Variants in MSRA observed in about 807,000 individuals in gnomAD.
The protein encoded by MSRA is methionine sulfoxide reductase A.
In MSRA, 54 loss-of-function variants were observed where a neutral mutation model predicts 31.3. The observed-to-expected ratio is 1.73, with a 90% CI of 1.39 to 2.17. The LOEUF is 2.17. Ranked by LOEUF, MSRA falls within the 30% of genes most tolerant of loss-of-function variation. The pLI is 0.00. For synonymous variants in MSRA, 169 were observed against 116.5 expected (o/e 1.45, Z -2.90); for missense variants, 507 against 300.9 (o/e 1.69, Z -5.07).
chr8:10,348,010 C>G lies in MSRA; in HGVS notation c.543+28021C>G, dbSNP rs527265898. ...TGGTCTTTGCCATTTATAGAGTAGG[C>G]ACATGGTAAATATCTGTTGAGTAAA... On this transcript the variant is annotated intron_variant, in intron 5 of 5. Coordinates refer to ENST00000317173, the MANE Select transcript of MSRA (RefSeq NM_012331.5). 1.4e-4 allele frequency among the ~76,000 whole-genome samples: 21 copies of G among 152,316 alleles called. 1 individual carries two copies. The South Asian group carries it at 4.3e-3, about 32-fold the overall frequency.
At chr8:10,358,428 T>C (rs1318882230) in intron 5 of MSRA, among the ~76,000 whole-genome samples, 1 of 152,166 alleles carries the variant, frequency 6.6e-6, no homozygotes, top group Non-Finnish European at 1.5e-5. Context: ...ATTTGCATTA[T>C]CAGATCATAT....
At chr8:10,411,947 C>A (rs1585719764) in intron 5 of MSRA, among the ~76,000 whole-genome samples, 1 of 152,194 alleles carries the variant, frequency 6.6e-6, no homozygotes, top group South Asian at 2.1e-4. Flanking sequence ...GGGTGTGTGT[C>A]GTCCACAGAG....
rs1474908083 is a variant in MSRA at position 10,202,580 on chromosome 8, C to T, written c.143-5253C>T. On this transcript the variant is annotated intron_variant, in intron 1 of 5. Transcript: ENST00000317173. Reference sequence around the variant, plus strand: ...ATGGGTACTGTGTTGAGAAAAGATTCTGTGGGCACATTCAGGGATCAAGAA... The same window carrying T: ...ATGGGTACTGTGTTGAGAAAAGATTTTGTGGGCACATTCAGGGATCAAGAA... Among the ~76,000 whole-genome samples the T allele has an allele frequency of 2.6e-5, 4 of 152,156 alleles. No individual in the cohort carries two copies. The South Asian group carries it at 6.2e-4, about 24-fold the overall frequency.
At chr8:10,269,941 G>C (rs944931092) in intron 3 of MSRA, among the ~76,000 whole-genome samples, 1 of 151,960 alleles carries the variant, frequency 6.6e-6, no homozygotes, top group Admixed American at 6.5e-5. Context: ...GTGAGCCATC[G>C]TGCCTGGCCT....
intron 1 of MSRA, among the ~76,000 whole-genome samples, chr8:10,070,827 C>T (rs748304097): frequency 2.4e-4 from 37 of 152,144 alleles, no homozygotes; most frequent in Non-Finnish European, 4.3e-4. Context: ...GTTAATGTAC[C>T]AGTGCTTTGT....
At chr8:10,241,856 A>T (rs1412204631) in intron 2 of MSRA, among the ~76,000 whole-genome samples, 1 of 152,236 alleles carries the variant, frequency 6.6e-6, no homozygotes, top group African/African-American at 2.4e-5. Flanking sequence ...TGTGAATTGA[A>T]TTGCACCATG....
intron 2 of MSRA, among the ~76,000 whole-genome samples, chr8:10,242,789 A>G (rs1278768789): frequency 1.3e-5 from 2 of 152,178 alleles, no homozygotes; most frequent in Non-Finnish European, 1.5e-5. Flanking sequence ...TTAAACCTGC[A>G]GCCGCTAGTT....
intron 5 of MSRA, among the ~76,000 whole-genome samples, chr8:10,329,324 C>T (rs1802556704): frequency 6.6e-6 from 1 of 152,216 alleles, no homozygotes; most frequent in Non-Finnish European, 1.5e-5. Context: ...GAATCCCTCC[C>T]CGGATCTTCC....
intron 5 of MSRA, among the ~76,000 whole-genome samples, chr8:10,349,475 C>T (rs1174142242): frequency 6.6e-6 from 1 of 152,154 alleles, no homozygotes; most frequent in Non-Finnish European, 1.5e-5. Flanking sequence ...GAGGCCACCC[C>T]ACTTCCCTTT....
At chr8:10,185,787 C>G (rs932286018) in intron 1 of MSRA, among the ~76,000 whole-genome samples, 6 of 152,250 alleles carry the variant, frequency 3.9e-5, no homozygotes, top group African/African-American at 1.4e-4. Context: ...CTACGGAAAC[C>G]CACTCATCTT....
At chr8:10,131,798 GC>G (rs1191097269) in intron 1 of MSRA, among the ~76,000 whole-genome samples, 1 of 152,162 alleles carries the variant, frequency 6.6e-6, no homozygotes, top group Admixed American at 6.5e-5. Context: ...ATGCTGGGAT[GC>G]CAGAAACACA....
intron 5 of MSRA, among the ~76,000 whole-genome samples, chr8:10,389,168 C>G (rs1403197817): frequency 6.6e-6 from 1 of 152,160 alleles, no homozygotes; most frequent in East Asian, 1.9e-4. Flanking sequence ...CACAGGCAAT[C>G]CAGTCAGTGT....
At chr8:10,251,867 G>GA (rs1554505682) in intron 3 of MSRA, among the ~76,000 whole-genome samples, 2 of 151,728 alleles carry the variant, frequency 1.3e-5, no homozygotes, top group Non-Finnish European at 2.9e-5. Flanking sequence ...ATGGTGGGGG[G>GA]GGGGGGACAT....
chr8:10,361,912 C>T (rs1456863770), intron 5 of MSRA, among the ~76,000 whole-genome samples: 5 of 152,048 alleles, frequency 3.3e-5, no homozygotes, highest in Admixed American at 2.6e-4. Flanking sequence ...TCTTCCTTAC[C>T]GTTGTCTTCC....
At chr8:10,265,767 C>G (rs1010417561) in intron 3 of MSRA, among the ~76,000 whole-genome samples, 1 of 152,234 alleles carries the variant, frequency 6.6e-6, no homozygotes, top group Non-Finnish European at 1.5e-5. Context: ...CCCTGCCTTC[C>G]TCACCCCGCA....
intron 5 of MSRA, among the ~76,000 whole-genome samples, chr8:10,364,338 A>G (rs1259240948): frequency 6.6e-6 from 1 of 152,186 alleles, no homozygotes; most frequent in Non-Finnish European, 1.5e-5. Flanking sequence ...TGGGGCGTCA[A>G]AGGTGTCACA....
At chr8:10,066,943 C>A (rs1270787463) in intron 1 of MSRA, among the ~76,000 whole-genome samples, 1 of 151,380 alleles carries the variant, frequency 6.6e-6, no homozygotes, top group Non-Finnish European at 1.5e-5. Context: ...AGTTCCCATA[C>A]ACACTCCTCC....
At chr8:10,427,659 T>C (rs1809266202) in intron 5 of MSRA, among the ~76,000 whole-genome samples, 1 of 152,156 alleles carries the variant, frequency 6.6e-6, no homozygotes, top group African/African-American at 2.4e-5. Flanking sequence ...GCAGATGCGA[T>C]AGTGCCAGGT....
chr8:10,355,309 G>C (rs766065270), intron 5 of MSRA, among the ~76,000 whole-genome samples: 4 of 152,214 alleles, frequency 2.6e-5, no homozygotes, highest in Non-Finnish European at 4.4e-5. Context: ...ATAGGAGAAA[G>C]TCATTGTCAG....
Sources: allele counts gnomAD v4.1 joint callset (sites outside exome capture counted in the v4.1 genomes callset), GRCh38; gene constraint gnomAD v4.1.1; transcripts MANE v1.5; gene names NCBI Gene and HGNC (gene_info 2026-07-23, HGNC 2026-07-21).